Variants in CSMD1 observed in about 807,000 individuals in gnomAD.
CSMD1 encodes CUB and Sushi multiple domains 1.
Under a neutral mutation model 417.5 loss-of-function variants are expected in CSMD1, and 213 were observed. The observed-to-expected ratio is 0.51, with a 90% CI of 0.46 to 0.57. CSMD1 has a LOEUF of 0.57. Ranked by LOEUF, CSMD1 falls within the 20% of genes least tolerant of loss-of-function variation. CSMD1 has a pLI of 0.00. For missense variants in CSMD1, 6,923 were observed against 4,529.7 expected (o/e 1.53, Z -15.17); for synonymous variants, 2,862 against 1,736.8 (o/e 1.65, Z -16.11).
At chr8:4,751,636 A>G (rs1811333616) in intron 1 of CSMD1, among the ~76,000 whole-genome samples, 1 of 152,166 alleles carries the variant, frequency 6.6e-6, no homozygotes, top group South Asian at 2.1e-4. Context: ...AGGGTGAAAA[A>G]TGCCACTATC....
At chr8:4,040,093 G>T (rs1016225544) in intron 3 of CSMD1, among the ~76,000 whole-genome samples, 2 of 152,174 alleles carry the variant, frequency 1.3e-5, no homozygotes, top group East Asian at 1.9e-4. Context: ...AGTATACAGA[G>T]ATTTTAACAT....
At chr8:3,414,507 T>A (rs1813008601) in intron 12 of CSMD1, among the ~76,000 whole-genome samples, 1 of 152,138 alleles carries the variant, frequency 6.6e-6, no homozygotes, top group South Asian at 2.1e-4. Context: ...TTGACGCTCT[T>A]GGGGTCCTCT....
At chr8:4,051,240 C>G (rs1296518473) in intron 3 of CSMD1, among the ~76,000 whole-genome samples, 1 of 150,338 alleles carries the variant, frequency 6.7e-6, no homozygotes, top group Non-Finnish European at 1.5e-5. Context: ...GGAACAATGC[C>G]AAGCTTCCTG....
intron 2 of CSMD1, among the ~76,000 whole-genome samples, chr8:4,488,349 C>T (rs1012853243): frequency 6.6e-6 from 1 of 152,018 alleles, no homozygotes; most frequent in African/African-American, 2.4e-5. Flanking sequence ...CAAGTGTATT[C>T]TGAACACTTG....
At chr8:3,866,046 AAAGAAC>A (rs71203485) in intron 5 of CSMD1, among the ~76,000 whole-genome samples, 12,484 of 152,262 alleles carry the variant, frequency 0.082, 583 homozygotes, top group South Asian at 0.15. Context: ...TAACACTTAA[AAAGAAC>A]AAGTAAAATG....
At position 3,873,054 on chromosome 8, in the gene CSMD1, C is replaced by T. The variant is rs1040132165; in HGVS notation, c.819-119012G>A. Among the ~76,000 whole-genome samples, 4 of 151,992 alleles carry T rather than the reference C, an allele frequency of 2.6e-5. No individual in the cohort carries two copies. The East Asian group carries it at 7.7e-4, about 29-fold the overall frequency. On this transcript the variant is annotated intron_variant, in intron 5 of 69. Transcript: ENST00000635120. The stretch of plus-strand genomic sequence containing the variant: ...TTGTTATTAAAAAATCAAACAACAA[C>T]AGATGCTGGCAAGGTTGCAGATAAA...
intron 2 of CSMD1, among the ~76,000 whole-genome samples, chr8:4,428,991 G>A (rs780972034): frequency 7.4e-4 from 112 of 152,124 alleles, no homozygotes; most frequent in African/African-American, 2.6e-3. Flanking sequence ...TGGGAATATA[G>A]GCATAAGGCA....
At chr8:4,064,457 A>G (rs374652948) in intron 3 of CSMD1, among the ~76,000 whole-genome samples, 1 of 152,202 alleles carries the variant, frequency 6.6e-6, no homozygotes, top group South Asian at 2.1e-4. Context: ...AAATTTTCAT[A>G]TATCAAAACT....
At chr8:3,211,422 C>T (rs1424299168) in intron 30 of CSMD1, among the ~76,000 whole-genome samples, 1 of 152,158 alleles carries the variant, frequency 6.6e-6, no homozygotes, top group Non-Finnish European at 1.5e-5. Context: ...TGGTCAGTAC[C>T]TGTAATGCGT....
chr8:3,037,072 A>G (rs866812129), intron 50 of CSMD1, among the ~76,000 whole-genome samples: 1 of 152,174 alleles, frequency 6.6e-6, no homozygotes, highest in Non-Finnish European at 1.5e-5. Context: ...GAACATAACG[A>G]TATTTGGTCT....
intron 26 of CSMD1, among the ~76,000 whole-genome samples, chr8:3,263,510 A>C (rs935372385): frequency 2.6e-5 from 4 of 152,214 alleles, no homozygotes; most frequent in African/African-American, 9.6e-5. Context: ...AGTTATTGGA[A>C]AGAGAATATT....
chr8:4,404,475 T>G (rs1804872805), intron 3 of CSMD1, among the ~76,000 whole-genome samples: 1 of 152,146 alleles, frequency 6.6e-6, no homozygotes, highest in African/African-American at 2.4e-5. Flanking sequence ...AAACTATGTT[T>G]GAGGCATATT....
At chr8:4,105,059 C>G (rs566768726) in intron 3 of CSMD1, among the ~76,000 whole-genome samples, 6 of 152,050 alleles carry the variant, frequency 3.9e-5, no homozygotes, top group African/African-American at 1.4e-4. Context: ...CAACTAAAGG[C>G]AGCAATGAAA....
At chr8:3,330,716 A>G (rs1806837348) in intron 23 of CSMD1, among the ~76,000 whole-genome samples, 1 of 152,200 alleles carries the variant, frequency 6.6e-6, no homozygotes. Context: ...TACCCAAATA[A>G]CAAACCTGCA....
chr8:4,935,072 A>G (rs1452534391), intron 1 of CSMD1, among the ~76,000 whole-genome samples: 1 of 152,222 alleles, frequency 6.6e-6, no homozygotes, highest in East Asian at 1.9e-4. Flanking sequence ...TTAAAATCCC[A>G]TATCACAACA....
At chr8:3,352,435 A>G (rs973725888) in intron 21 of CSMD1, among the ~76,000 whole-genome samples, 2 of 152,366 alleles carry the variant, frequency 1.3e-5, no homozygotes, top group African/African-American at 4.8e-5. Context: ...GTTCAAATAA[A>G]TAATCACAGG....
intron 28 of CSMD1, among the ~76,000 whole-genome samples, chr8:3,220,785 C>T (rs566283684): frequency 6.6e-6 from 1 of 152,124 alleles, no homozygotes; most frequent in Non-Finnish European, 1.5e-5. Flanking sequence ...GAGTCAAGAT[C>T]ACGCCACTGC....
intron 26 of CSMD1, among the ~76,000 whole-genome samples, chr8:3,253,511 T>C (rs184685095): frequency 6.6e-6 from 1 of 152,308 alleles, no homozygotes; most frequent in African/African-American, 2.4e-5. Context: ...TTCTGTTGAT[T>C]TGGGGTGGAG....
At chr8:3,982,198 A>ATAATAATAATAAT (rs67611582) in intron 5 of CSMD1, among the ~76,000 whole-genome samples, 2 of 81,020 alleles carry the variant, frequency 2.5e-5, no homozygotes, top group African/African-American at 7.8e-5. Context: ...AATATTAATA[A>ATAATAATAATAAT]AAAAAATAAT....
Sources: gnomAD v4.1 joint callset for allele counts (sites outside exome capture counted in the v4.1 genomes callset) on GRCh38, gnomAD v4.1.1 for gene constraint, MANE v1.5 for transcripts, NCBI Gene and HGNC (gene_info 2026-07-23, HGNC 2026-07-21) for gene names.